SND1: variants seen among roughly 807,000 people sequenced by gnomAD.
SND1 encodes staphylococcal nuclease domain-containing protein 1.
In SND1, 38 loss-of-function variants were observed where a neutral mutation model predicts 121.7. The ratio of observed to expected loss-of-function variants is 0.31; its 90% CI spans 0.24 to 0.41. The LOEUF is 0.41. SND1 is among the 10% of genes least tolerant of loss of function. SND1 has a pLI of 1.00. For missense variants in SND1, 868 were observed against 1,184.6 expected (o/e 0.73, Z 3.92); for synonymous variants, 401 against 447.4 (o/e 0.90, Z 1.31).
At chr7:127,779,250 A>C (rs1797675450) in intron 10 of SND1, among the ~76,000 whole-genome samples, 1 of 152,186 alleles carries the variant, frequency 6.6e-6, no homozygotes. Context: ...GGAGTCATTT[A>C]AAATTGGTTT....
At chr7:127,791,984 A>G (rs1156327569) in intron 10 of SND1, among the ~76,000 whole-genome samples, 1 of 152,232 alleles carries the variant, frequency 6.6e-6, no homozygotes, top group African/African-American at 2.4e-5. Context: ...ATGATTCACT[A>G]TCCATGAGAG....
In SND1 at chr7:127,793,676, G is replaced by A. The variant is rs182999899; in HGVS notation, c.1153-13808G>A. Among the ~76,000 whole-genome samples the A allele has an allele frequency of 6.0e-4, 92 of 152,244 alleles. 1 individual carries two copies. The highest frequency in any genetic ancestry group is 1.2e-4 in the Non-Finnish European group (8 of 68,018). ...ATTTAGGGTGACATTACATGAAGGA[G>A]GATATAAAACTGTGTTCTCACAGAT... is the stretch of plus-strand genomic sequence containing the variant. On this transcript the variant is annotated intron_variant, in intron 10 of 23. Transcript: ENST00000354725.
intron 16 of SND1, among the ~76,000 whole-genome samples, chr7:128,020,264 G>C (rs1346318930): frequency 1.3e-5 from 2 of 152,190 alleles, no homozygotes; most frequent in Non-Finnish European, 2.9e-5. Context: ...AGTACTGGTG[G>C]GAAAGGCCTT....
intron 10 of SND1, among the ~76,000 whole-genome samples, chr7:127,758,020 G>T (rs540920912): frequency 2.6e-5 from 4 of 152,130 alleles, no homozygotes; most frequent in Non-Finnish European, 5.9e-5. Flanking sequence ...TCGCTATGCC[G>T]CAAGATCTTC....
chr7:127,853,917 T>C, intron 12 of SND1, among the ~76,000 whole-genome samples: 1 of 152,180 alleles, frequency 6.6e-6, no homozygotes, highest in East Asian at 1.9e-4. Flanking sequence ...ATTACTCCGA[T>C]GATGACCCTA....
chr7:127,816,773 C>T (rs1475111669), intron 11 of SND1, among the ~76,000 whole-genome samples: 1 of 150,940 alleles, frequency 6.6e-6, no homozygotes, highest in Non-Finnish European at 1.5e-5. Flanking sequence ...AAGCAGTTCT[C>T]ATGCCCCAGT....
At chr7:127,724,539 A>G (rs1290586573) in intron 10 of SND1, among the ~76,000 whole-genome samples, 1 of 152,186 alleles carries the variant, frequency 6.6e-6, no homozygotes, top group Non-Finnish European at 1.5e-5. Flanking sequence ...ATGAACTGCA[A>G]GTGATTTTGT....
Position 127,743,813 on chromosome 7 carries a change from A to G in SND1, c.1152+22413A>G, listed in dbSNP as rs59484855. On this transcript the variant is annotated intron_variant, in intron 10 of 23. Transcript: ENST00000354725. ...GCTTGGGTTATTTCACAGTTTGAGC[A>G]TATTGTAATTCTGAGTATTTTTCCT... 3.1e-3 allele frequency among the ~76,000 whole-genome samples: 465 copies of G among 152,334 alleles called. 4 individuals carry two copies. The highest frequency in any genetic ancestry group is 9.9e-3 in the African/African-American group (411 of 41,562).
chr7:128,017,632 T>C (rs1481162999), intron 16 of SND1, among the ~76,000 whole-genome samples: 1 of 152,150 alleles, frequency 6.6e-6, no homozygotes, highest in Non-Finnish European at 1.5e-5. Flanking sequence ...CCATCTCAAG[T>C]CATTTCACAC....
At chr7:127,850,072 T>G (rs568413406) in intron 12 of SND1, among the ~76,000 whole-genome samples, 15 of 152,374 alleles carry the variant, frequency 9.8e-5, no homozygotes, top group African/African-American at 3.1e-4. Context: ...TTTTGCTTTT[T>G]CTTTGGTTCT....
chr7:128,014,756 G>C (rs911798188), intron 16 of SND1, among the ~76,000 whole-genome samples: 3 of 152,206 alleles, frequency 2.0e-5, no homozygotes, highest in African/African-American at 7.2e-5. Flanking sequence ...GCAGTTGTGA[G>C]AGAGAACAGT....
At chr7:128,080,327 G>A (rs1001980539) in intron 17 of SND1, among the ~76,000 whole-genome samples, 5 of 152,256 alleles carry the variant, frequency 3.3e-5, no homozygotes, top group Admixed American at 6.5e-5. Context: ...ACGCTGTCGC[G>A]TCAAATCAGC....
At chr7:127,865,391 A>G (rs947702299) in intron 12 of SND1, among the ~76,000 whole-genome samples, 1 of 152,238 alleles carries the variant, frequency 6.6e-6, no homozygotes, top group Non-Finnish European at 1.5e-5. Flanking sequence ...GAAAGATGCC[A>G]TACAGATGTC....
intron 15 of SND1, among the ~76,000 whole-genome samples, chr7:127,983,399 A>G (rs1416146237): frequency 3.3e-5 from 5 of 152,174 alleles, no homozygotes. Context: ...AGAGGTGTCC[A>G]TAGTTTCCTA....
At chr7:127,916,974 A>G (rs1301377911) in intron 14 of SND1, among the ~76,000 whole-genome samples, 1 of 152,184 alleles carries the variant, frequency 6.6e-6, no homozygotes, top group Admixed American at 6.5e-5. Flanking sequence ...TGAGTGAGGA[A>G]TCTTGAGGGC....
chr7:127,818,188 TA>T, intron 11 of SND1, among the ~76,000 whole-genome samples: 1 of 152,286 alleles, frequency 6.6e-6, no homozygotes, highest in Middle Eastern at 3.4e-3. Flanking sequence ...ACCAAGACCT[TA>T]AAAATAGGTT....
At chr7:128,051,637 A>T (rs1203356338) in intron 16 of SND1, among the ~76,000 whole-genome samples, 1 of 152,236 alleles carries the variant, frequency 6.6e-6, no homozygotes, top group African/African-American at 2.4e-5. Context: ...ATCCTGATAA[A>T]TGGAGGGGCA....
chr7:127,925,875 G>A (rs1266162931), intron 14 of SND1, among the ~76,000 whole-genome samples: 3 of 151,324 alleles, frequency 2.0e-5, no homozygotes, highest in East Asian at 1.9e-4. Flanking sequence ...GATTACAGCC[G>A]TGAGCCATCG....
rs1013397665 is a variant in SND1, at chr7:127,658,965, A to G, written c.78+6514A>G. On this transcript the variant is annotated intron_variant, in intron 1 of 23. Coordinates refer to ENST00000354725, the MANE Select transcript of SND1 (RefSeq NM_014390.4). Reference sequence around the variant, plus strand: ...TGACAGGTGTGGTTCTAACAGGGGCATAGTAGATATCCTTTAGAGTCTGAT... The same window carrying G: ...TGACAGGTGTGGTTCTAACAGGGGCGTAGTAGATATCCTTTAGAGTCTGAT... Among the ~76,000 whole-genome samples, 6 of 152,258 alleles carry G rather than the reference A, an allele frequency of 3.9e-5. No homozygotes were observed. The South Asian group carries it at 6.2e-4, about 16-fold the overall frequency.
Sources: gnomAD v4.1 joint callset for allele counts (sites outside exome capture counted in the v4.1 genomes callset) on GRCh38, gnomAD v4.1.1 for gene constraint, MANE v1.5 for transcripts, NCBI Gene and HGNC (gene_info 2026-07-23, HGNC 2026-07-21) for gene names.